Variants in NUP93 observed in about 807,000 individuals in gnomAD.
NUP93 encodes nucleoporin 93, also known as nuclear pore complex protein Nup93.
Under a neutral mutation model 107.8 loss-of-function variants are expected in NUP93, and 55 were observed. That is an observed-to-expected ratio of 0.51 (90% confidence interval 0.41 to 0.64). NUP93 has a LOEUF of 0.64. Ranked by LOEUF, NUP93 falls within the 30% of genes least tolerant of loss-of-function variation. The pLI, the probability that NUP93 is intolerant of heterozygous loss-of-function variation, is 0.00. For synonymous variants in NUP93, 390 were observed against 397.5 expected, an observed-to-expected ratio of 0.98 and a Z score of 0.22; for missense variants, 937 against 1,044.7, an observed-to-expected ratio of 0.90 and a Z score of 1.42.
At chr16:56,805,792 CCAA>C in intron 5 of NUP93, 160 bp downstream of exon 5, 1 of 717,502 alleles carries the variant, frequency 1.4e-6, no homozygotes, top group South Asian at 1.8e-5. Flanking sequence ...TGGACTTCCT[CCAA>C]CATGTCTGCC....
At chr16:56,740,202 G>A (rs1327945860) in intron 1 of NUP93, among the ~76,000 whole-genome samples, 36 of 144,114 alleles carry the variant, frequency 2.5e-4, no homozygotes, top group African/African-American at 8.6e-4. Context: ...GGTGGCTGCC[G>A]GGCGGAGAGG....
chr16:56,761,316 C>T (rs369980010), intron 3 of NUP93, among the ~76,000 whole-genome samples: 1 of 152,194 alleles, frequency 6.6e-6, no homozygotes, highest in East Asian at 1.9e-4. Context: ...AGTAACCAAG[C>T]ATAAGAGCCA....
At chr16:56,824,697 G>C (rs1394711433) in intron 8 of NUP93, among the ~76,000 whole-genome samples, 1 of 152,184 alleles carries the variant, frequency 6.6e-6, no homozygotes, top group African/African-American at 2.4e-5. Context: ...TAGGAAGTCA[G>C]AAGATTTCCT....
chr16:56,756,802 C>T (rs1962032311), intron 2 of NUP93, among the ~76,000 whole-genome samples: 2 of 152,284 alleles, frequency 1.3e-5, no homozygotes, highest in South Asian at 4.2e-4. Flanking sequence ...TTGCCAACAT[C>T]TATTATTTCC....
At chr16:56,748,579 C>A (rs1961862508) in intron 2 of NUP93, among the ~76,000 whole-genome samples, 153 bp downstream of exon 2, 1 of 152,154 alleles carries the variant, frequency 6.6e-6, no homozygotes, top group Non-Finnish European at 1.5e-5. Flanking sequence ...AGGACAGCAG[C>A]CTTGGTTTGT....
At chr16:56,781,053 A>G (rs1270059386) in intron 3 of NUP93, among the ~76,000 whole-genome samples, 2 of 152,336 alleles carry the variant, frequency 1.3e-5, no homozygotes, top group East Asian at 3.9e-4. Flanking sequence ...TTCAGGTTAT[A>G]TGTTAAAACG....
intron 1 of NUP93, among the ~76,000 whole-genome samples, chr16:56,738,291 A>G (rs986712517): frequency 1.6e-4 from 25 of 152,208 alleles, no homozygotes; most frequent in African/African-American, 5.5e-4. Context: ...CTGGACAGCC[A>G]AGAGTTTATC....
intron 5 of NUP93, among the ~76,000 whole-genome samples, chr16:56,817,027 T>A (rs1334156780): frequency 6.6e-6 from 1 of 152,084 alleles, no homozygotes; most frequent in African/African-American, 2.4e-5. Flanking sequence ...GCTTGAAAGG[T>A]GGCAGAGTGT....
At chr16:56,768,711 C>CA (rs1483413771) in intron 3 of NUP93, among the ~76,000 whole-genome samples, 9 of 147,612 alleles carry the variant, frequency 6.1e-5, no homozygotes, top group East Asian at 4.0e-4. Context: ...CTAAAAAATA[C>CA]AAAAAATTAG....
chr16:56,770,880 G>A (rs1035113870), intron 3 of NUP93, among the ~76,000 whole-genome samples: 3 of 151,364 alleles, frequency 2.0e-5, no homozygotes, highest in African/African-American at 2.4e-5. Context: ...TAGCTAACAC[G>A]GTGAAACCCC....
chr16:56,763,031 A>G (rs977940924), intron 3 of NUP93, among the ~76,000 whole-genome samples: 2 of 152,178 alleles, frequency 1.3e-5, no homozygotes, highest in African/African-American at 4.8e-5. Flanking sequence ...TCATATTTAC[A>G]AGGACCAGAG....
intron 1 of NUP93, among the ~76,000 whole-genome samples, chr16:56,735,811 A>G (rs1961602239): frequency 6.7e-6 from 1 of 149,326 alleles, no homozygotes; most frequent in Non-Finnish European, 1.5e-5. Flanking sequence ...CTGGGGGACA[A>G]AAGTGAAACT....
chr16:56,763,395 T>C (rs530819318), intron 3 of NUP93, among the ~76,000 whole-genome samples: 5 of 152,202 alleles, frequency 3.3e-5, no homozygotes, highest in African/African-American at 1.2e-4. Context: ...AGAAACTCTC[T>C]GCTTCTTAAA....
At chr16:56,753,491 T>C (rs868307957) in intron 2 of NUP93, among the ~76,000 whole-genome samples, 1 of 152,208 alleles carries the variant, frequency 6.6e-6, no homozygotes, top group Non-Finnish European at 1.5e-5. Flanking sequence ...GTGTAGTCAA[T>C]GGATCAACAG....
intron 5 of NUP93, among the ~76,000 whole-genome samples, chr16:56,815,943 A>G (rs1363951882): frequency 6.7e-5 from 7 of 105,236 alleles, no homozygotes; most frequent in East Asian, 2.2e-4. Context: ...CACTACTACT[A>G]CTACTACCAC....
intron 9 of NUP93, among the ~76,000 whole-genome samples, chr16:56,829,488 C>T (rs1198810491): frequency 6.6e-6 from 1 of 152,158 alleles, no homozygotes; most frequent in Non-Finnish European, 1.5e-5. Flanking sequence ...GATGTGGTCT[C>T]TTCTCAGCTC....
At chr16:56,821,454 A>G in intron 6 of NUP93, 50 bp from the exon 7 acceptor site, 1 of 1,303,002 alleles carries the variant, frequency 7.7e-7, no homozygotes, top group East Asian at 2.3e-5. Context: ...AGGTTTAAAA[A>G]GAAGAGAAAA....
rs547766887 is a variant in NUP93, at chr16:56,832,099, A to G, written c.1251+92A>G. 208 of 1,472,932 alleles carry G rather than the reference A, an allele frequency of 1.4e-4. No homozygotes were observed. In the Middle Eastern group the frequency reaches 2.0e-3, roughly 14 times the overall value. The allele number at this position is 1,472,932 out of a possible 1,614,324, so 91.2% of individuals were successfully genotyped here. ...TTTTACCTGCTTAATGTATGATGCC[A>G]ATACAGTGATCAGGACCAGTGGGTT... is the stretch of plus-strand genomic sequence containing the variant. On this transcript the variant is annotated intron_variant, in intron 11 of 21. Transcript: ENST00000308159.
intron 3 of NUP93, chr16:56,781,931 C>G (rs1169343020): frequency 6.1e-6 from 6 of 985,144 alleles, no homozygotes; most frequent in Non-Finnish European, 6.0e-6. Flanking sequence ...TGCAGTGCAC[C>G]CTTTTTAAAG....
Sources: gnomAD v4.1 joint callset for allele counts (sites outside exome capture counted in the v4.1 genomes callset) on GRCh38, gnomAD v4.1.1 for gene constraint, MANE v1.5 for transcripts, NCBI Gene and HGNC (gene_info 2026-07-23, HGNC 2026-07-21) for gene names.